The following CHD7 variants were observed in gnomAD, a reference collection of about 807,000 sequenced individuals.
CHD7 encodes chromodomain helicase DNA binding protein 7, also known as ATP-dependent chromatin remodeler CHD7.
In CHD7, 24 loss-of-function variants were observed where a neutral mutation model predicts 307.3. That is an observed-to-expected ratio of 0.08 (90% confidence interval 0.06 to 0.11). The LOEUF is 0.11. CHD7 is among the 10% of genes least tolerant of loss of function. The pLI, the probability that CHD7 is intolerant of heterozygous loss-of-function variation, is 1.00. For synonymous variants in CHD7, 1,363 were observed against 1,349.9 expected, an observed-to-expected ratio of 1.01 and a Z score of -0.21; for missense variants, 3,106 against 3,727.1, an observed-to-expected ratio of 0.83 and a Z score of 4.34.
chr8:60,822,243 A>G (rs1007407450), intron 11 of CHD7, 98 bp downstream of exon 11: 1 of 1,088,076 alleles, frequency 9.2e-7, no homozygotes, highest in Non-Finnish European at 1.3e-6. Context: ...TTTTAACTCT[A>G]ATAAGAGCTT....
At chr8:60,738,851 C>A (rs1489331565) in intron 1 of CHD7, among the ~76,000 whole-genome samples, 1 of 152,004 alleles carries the variant, frequency 6.6e-6, no homozygotes, top group Non-Finnish European at 1.5e-5. Flanking sequence ...ATAATGCTGG[C>A]GTTTTTCAAG....
chr8:60,690,050 A>G (rs1806117038), intron 1 of CHD7, among the ~76,000 whole-genome samples: 1 of 152,240 alleles, frequency 6.6e-6, no homozygotes, highest in Admixed American at 6.5e-5. Flanking sequence ...AGATATTTGC[A>G]TACTGCTTCT....
Position 60,742,523 on chromosome 8 carries a change from A to G in CHD7, c.1091A>G (p.Gln364Arg). The change falls in exon 2 of 38, where the codon CAG becomes CGG. Residue 364 changes from glutamine to arginine, a missense_variant. By Grantham distance (43) the Gln-to-Arg change is conservative. This residue lies in a region of CHD7 where 998 missense variants were observed against 1,004.5 expected (regional missense o/e 0.99). Transcript: ENST00000423902. ...AACAGTGGTCAAGGACTAATGCACC[A>G]GCAGCCCATCCACCCCAGTGGCTCA... ...PSNSGQGLMH[Q>R]QPIHPSGSLN... 2.5e-6 allele frequency: 4 copies of G among 1,614,056 alleles called. No individual in the cohort carries two copies. Among genetic ancestry groups the G allele is most frequent in the Non-Finnish European group, 3.4e-6 (4 of 1,179,906 alleles).
chr8:60,754,272 AT>A (rs1192536831), intron 2 of CHD7, among the ~76,000 whole-genome samples: 2 of 152,200 alleles, frequency 1.3e-5, no homozygotes, highest in Admixed American at 6.5e-5. Context: ...TTCTTAAGTC[AT>A]CTTAAATGAT....
intron 1 of CHD7, among the ~76,000 whole-genome samples, chr8:60,721,687 T>TGATGCTGCC (rs1463145075): frequency 7.9e-5 from 12 of 152,196 alleles, no homozygotes; most frequent in African/African-American, 2.2e-4. Context: ...CCAGCGGTGC[T>TGATGCTGCC]GATGCTGCCG....
chr8:60,813,881 A>T (rs1461411746), intron 7 of CHD7, among the ~76,000 whole-genome samples: 1 of 151,756 alleles, frequency 6.6e-6, no homozygotes, highest in African/African-American at 2.4e-5. Flanking sequence ...TGATATGGGT[A>T]AGGGATATGC....
chr8:60,733,056 G>A (rs1266960051), intron 1 of CHD7, among the ~76,000 whole-genome samples: 1 of 151,852 alleles, frequency 6.6e-6, no homozygotes, highest in Non-Finnish European at 1.5e-5. Flanking sequence ...GCAACATAGT[G>A]AGACTTTGTT....
At chr8:60,704,125 G>A (rs1473446796) in intron 1 of CHD7, among the ~76,000 whole-genome samples, 2 of 151,966 alleles carry the variant, frequency 1.3e-5, no homozygotes, top group Admixed American at 6.6e-5. Context: ...CCTTGTTTGA[G>A]TTTCCTCAGT....
intron 2 of CHD7, among the ~76,000 whole-genome samples, chr8:60,748,948 A>T (rs2150591983): frequency 6.6e-6 from 1 of 152,196 alleles, no homozygotes; most frequent in East Asian, 1.9e-4. Context: ...ATTAAAAAAA[A>T]CCTGGAAGAA....
rs1229845042 is a variant in CHD7 at position 60,819,997 on chromosome 8, T to C, written c.2614-10T>C. ...TAAACCTTTAACTTTTTTTTTTCCCTTTGGTGTAGATTGAGGATGAGCTTT... is the reference window on the plus strand; with the variant it reads ...TAAACCTTTAACTTTTTTTTTTCCCCTTGGTGTAGATTGAGGATGAGCTTT... On this transcript the variant is annotated splice_polypyrimidine_tract_variant and intron_variant, in intron 8 of 37. Coordinates refer to ENST00000423902, the MANE Select transcript of CHD7 (RefSeq NM_017780.4). 6 of 1,581,076 alleles carry C rather than the reference T, an allele frequency of 3.8e-6. No individual in the cohort carries two copies. The highest frequency in any genetic ancestry group is 5.2e-6 in the Non-Finnish European group (6 of 1,156,050).
At chr8:60,813,385 T>C (rs1812900967) in intron 7 of CHD7, among the ~76,000 whole-genome samples, 1 of 152,214 alleles carries the variant, frequency 6.6e-6, no homozygotes, top group African/African-American at 2.4e-5. Flanking sequence ...AATTATTATG[T>C]CTCTTATTGT....
intron 8 of CHD7, among the ~76,000 whole-genome samples, chr8:60,816,968 A>G (rs1348516910): frequency 6.6e-6 from 1 of 152,254 alleles, no homozygotes; most frequent in Non-Finnish European, 1.5e-5. Flanking sequence ...GCTGTGCTGT[A>G]GTGTAGAAAC....
chr8:60,688,652 T>A lies in CHD7; in HGVS notation c.-175+9570T>A, dbSNP rs143421524. On this transcript the variant is annotated intron_variant, in intron 1 of 37. Transcript: ENST00000423902. ...AAAGTGACAGGTTTGAGGGAGTGCT[T>A]ATCTCTTGTCCTGAAGATGTTCATC... is the stretch of plus-strand genomic sequence containing the variant. Among the ~76,000 whole-genome samples, 1,055 of 152,310 alleles carry A rather than the reference T, an allele frequency of 6.9e-3. 5 individuals carry two copies. The highest frequency in any genetic ancestry group is 0.012 in the Non-Finnish European group (804 of 68,022).
At chr8:60,726,082 A>C (rs1808144138) in intron 1 of CHD7, among the ~76,000 whole-genome samples, 1 of 152,252 alleles carries the variant, frequency 6.6e-6, no homozygotes, top group Admixed American at 6.5e-5. Context: ...TAAATATCCC[A>C]TAAAATGTAA....
At chr8:60,709,026 T>A (rs1054636565) in intron 1 of CHD7, among the ~76,000 whole-genome samples, 3 of 152,196 alleles carry the variant, frequency 2.0e-5, no homozygotes, top group East Asian at 1.9e-4. Flanking sequence ...GTTTCTCCTC[T>A]CTCTGACTGA....
rs1335186691 is a variant in CHD7 at position 60,851,966 on chromosome 8, T to C, written c.5666-53T>C. On this transcript the variant is annotated intron_variant, in intron 28 of 37. Coordinates refer to ENST00000423902, the MANE Select transcript of CHD7 (RefSeq NM_017780.4). ...GTCATCCTGTTTTGTTGGAATACTCTGTATTGCAAGATTGCAGCTACACAT... is the reference window on the plus strand; with the variant it reads ...GTCATCCTGTTTTGTTGGAATACTCCGTATTGCAAGATTGCAGCTACACAT... The C allele has an allele frequency of 4.8e-6, 6 of 1,261,604 alleles. No homozygotes were observed. In the East Asian group the frequency reaches 1.0e-4, roughly 21 times the overall value. 78.2% of individuals were successfully genotyped at this position (1,261,604 alleles called of 1,614,324 possible).
intron 2 of CHD7, among the ~76,000 whole-genome samples, chr8:60,770,971 A>T (rs918312780): frequency 6.6e-6 from 1 of 152,218 alleles, no homozygotes. Context: ...TTGAATCTTG[A>T]TTCTTCTTAT....
chr8:60,831,193 G>A (rs1372784955), intron 15 of CHD7, among the ~76,000 whole-genome samples: 1 of 152,116 alleles, frequency 6.6e-6, no homozygotes. Context: ...TCATGCTTAT[G>A]TTGTATAAGA....
At chr8:60,711,610 G>A (rs764986591) in intron 1 of CHD7, among the ~76,000 whole-genome samples, 51 of 152,276 alleles carry the variant, frequency 3.3e-4, no homozygotes, top group Middle Eastern at 6.8e-3. Context: ...GCTAATTGTG[G>A]GGCAGCTCCA....
Sources: allele counts gnomAD v4.1 joint callset (sites outside exome capture counted in the v4.1 genomes callset), GRCh38; gene constraint gnomAD v4.1.1; regional missense constraint gnomAD v4.1.1; transcripts MANE v1.5; gene names NCBI Gene and HGNC (gene_info 2026-07-23, HGNC 2026-07-21).